The following CPT1A variants were observed in gnomAD, a reference collection of about 807,000 sequenced individuals.
The protein encoded by CPT1A is carnitine O-palmitoyltransferase 1, liver isoform.
In CPT1A, 64 loss-of-function variants were observed where a neutral mutation model predicts 100.8. That is an observed-to-expected ratio of 0.63 (90% CI 0.52 to 0.78). The LOEUF (loss-of-function observed/expected upper bound fraction) is 0.78. Ranked by LOEUF, CPT1A falls within the 30% of genes least tolerant of loss-of-function variation. The pLI is 0.00. For synonymous variants in CPT1A, 363 were observed against 396.0 expected (o/e 0.92, Z 0.99); for missense variants, 802 against 1,034.1 (o/e 0.78, Z 3.08).
intron 18 of CPT1A, among the ~76,000 whole-genome samples, chr11:68,757,933 C>A (rs941543532): frequency 6.6e-6 from 1 of 152,100 alleles, no homozygotes; most frequent in African/African-American, 2.4e-5. Flanking sequence ...TGTGTTTGTG[C>A]GGGTGTGTTG....
chr11:68,827,533 C>G (rs947679589), intron 1 of CPT1A, among the ~76,000 whole-genome samples: 5 of 151,774 alleles, frequency 3.3e-5, no homozygotes, highest in African/African-American at 1.2e-4. Flanking sequence ...CACCCCACCC[C>G]CACCAGTTTG....
At chr11:68,815,719 G>A (rs1297232116) in intron 1 of CPT1A, among the ~76,000 whole-genome samples, 1 of 152,096 alleles carries the variant, frequency 6.6e-6, no homozygotes, top group Non-Finnish European at 1.5e-5. Flanking sequence ...ATCATCAGGA[G>A]TCAGGCCCGT....
rs1854665260 is a variant in CPT1A at position 68,762,721 on chromosome 11, G to A, written c.1781C>T (p.Thr594Ile). 6.2e-7 allele frequency: 1 copy of A among 1,614,120 alleles called. No homozygotes were observed. ...CGTCCTCCCCTCTCGGAAGAGCCGG[G>A]TCATGGAGGCCTCGTATGTGAGGCA... The part of the protein sequence containing the change: ...KFCLTYEASM[T>I]RLFREGRTET... The change falls in exon 15 of 19, where the codon ACC (threonine) becomes ATC (isoleucine). Residue 594 changes from threonine (T) to isoleucine (I), a missense_variant. By Grantham distance (89) the Thr-to-Ile change is moderately conservative. Transcript: ENST00000265641.
chr11:68,825,819 A>C (rs2154002185), intron 1 of CPT1A, among the ~76,000 whole-genome samples: 1 of 152,260 alleles, frequency 6.6e-6, no homozygotes, highest in South Asian at 2.1e-4. Context: ...CCTTTCACCC[A>C]GCTGGGAGTG....
rs529857693 is a variant in CPT1A, at chr11:68,795,334, A to G, written c.772-423T>C. 3.3e-5 allele frequency among the ~76,000 whole-genome samples: 5 copies of G among 152,316 alleles called. No individual in the cohort carries two copies. The South Asian group carries it at 8.3e-4, about 25-fold the overall frequency. On this transcript the variant is annotated intron_variant, in intron 7 of 18. Transcript: ENST00000265641. ...GTTCCAAATGTCTGCATTTTCCACAATTGGAAGAAAAGGCCAAGGAACACA... is the reference window on the plus strand; with the variant it reads ...GTTCCAAATGTCTGCATTTTCCACAGTTGGAAGAAAAGGCCAAGGAACACA...
intron 9 of CPT1A, among the ~76,000 whole-genome samples, chr11:68,787,804 C>T (rs1425692768): frequency 1.3e-5 from 2 of 151,942 alleles, no homozygotes; most frequent in Non-Finnish European, 2.9e-5. Flanking sequence ...ATTAGCCAGG[C>T]GTGGTGGCGG....
At chr11:68,826,733 CAAA>C (rs5792453) in intron 1 of CPT1A, among the ~76,000 whole-genome samples, 2 of 142,432 alleles carry the variant, frequency 1.4e-5, no homozygotes. Flanking sequence ...GACTCCCTGT[CAAA>C]AAAAAAAAAA....
chr11:68,792,563 T>A (rs540933920), intron 9 of CPT1A, among the ~76,000 whole-genome samples: 2 of 152,268 alleles, frequency 1.3e-5, no homozygotes, highest in East Asian at 3.9e-4. Context: ...ACGGTGCCTG[T>A]TCTCCCTCCC....
At chr11:68,768,064 G>GTTTT (rs1566344951) in intron 14 of CPT1A, among the ~76,000 whole-genome samples, 2 of 65,884 alleles carry the variant, frequency 3.0e-5, no homozygotes, top group African/African-American at 1.5e-4. Flanking sequence ...CTAGTTTCCA[G>GTTTT]TCTTTTTTTT....
chr11:68,833,789 A>G (rs1036881180), intron 1 of CPT1A, among the ~76,000 whole-genome samples: 1 of 152,166 alleles, frequency 6.6e-6, no homozygotes, highest in Non-Finnish European at 1.5e-5. Context: ...GCACCTTAGA[A>G]GTGAGAATGT....
intron 3 of CPT1A, 102 bp downstream of exon 3, chr11:68,812,335 T>C (rs1566375228): frequency 6.7e-7 from 1 of 1,487,812 alleles, no homozygotes; most frequent in Non-Finnish European, 9.4e-7. Flanking sequence ...GAGCTTCATA[T>C]GGAATCCAGA....
At chr11:68,787,043 T>TA (rs1414534044) in intron 9 of CPT1A, among the ~76,000 whole-genome samples, 1 of 152,024 alleles carries the variant, frequency 6.6e-6, no homozygotes, top group Non-Finnish European at 1.5e-5. Context: ...AAGTAAAAGA[T>TA]AAAGGATTGA....
chr11:68,817,537 C>G (rs1045573774), intron 1 of CPT1A, among the ~76,000 whole-genome samples: 3 of 152,000 alleles, frequency 2.0e-5, no homozygotes, highest in South Asian at 2.1e-4. Context: ...GGGGAGAAGC[C>G]GAGGGGACCT....
chr11:68,773,134 C>A, intron 14 of CPT1A, 131 bp downstream of exon 14: 1 of 1,497,370 alleles, frequency 6.7e-7, no homozygotes, highest in South Asian at 1.2e-5. Context: ...CCCCGGAGAC[C>A]GGGGTCGGGG....
At position 68,757,278 on chromosome 11, in the gene CPT1A, G is replaced by A; in HGVS notation, c.*366C>T. 2 of 1,152,142 alleles carry A rather than the reference G, an allele frequency of 1.7e-6. No homozygotes were observed. Among genetic ancestry groups the A allele is most frequent in the Non-Finnish European group, 2.2e-6 (2 of 927,932 alleles). 71.4% of individuals were successfully genotyped at this position (1,152,142 alleles called of 1,614,324 possible). A position where few individuals can be genotyped will look rare whatever the true frequency, so the allele number is the denominator to read the frequency against. On this transcript the variant is annotated 3_prime_UTR_variant, in exon 19 of 19. Transcript: ENST00000265641. ...TGATGCTAAATGCCCTTAAGCACTA[G>A]GCCTTCGGTTGCCACTGAGAAAGCA...
At chr11:68,792,448 C>T (rs187226722) in intron 9 of CPT1A, among the ~76,000 whole-genome samples, 39 of 152,358 alleles carry the variant, frequency 2.6e-4, no homozygotes, top group African/African-American at 9.4e-4. Context: ...GTCTTGGGCT[C>T]TAGCTCACCA....
chr11:68,825,957 C>T (rs893782669), intron 1 of CPT1A, among the ~76,000 whole-genome samples: 1 of 152,172 alleles, frequency 6.6e-6, no homozygotes, highest in Non-Finnish European at 1.5e-5. Context: ...GCTCCTGGGC[C>T]AGCCTCACTC....
In CPT1A at chr11:68,755,130, T is replaced by C. The variant is rs185026543; in HGVS notation, c.*2514A>G. 4.5e-6 allele frequency: 2 copies of C among 443,646 alleles called. No homozygotes were observed. The highest frequency in any genetic ancestry group is 8.2e-6 in the Non-Finnish European group (2 of 243,834). 27.5% of individuals were successfully genotyped at this position (443,646 alleles called of 1,614,324 possible). A position where few individuals can be genotyped will look rare whatever the true frequency, so the allele number is the denominator to read the frequency against. ...CCCCTCAAGGAATATAAAATTGCAT[T>C]GATAACTGCACTGATGAGCAACAAT... is the stretch of plus-strand genomic sequence containing the variant. On this transcript the variant is annotated 3_prime_UTR_variant, in exon 19 of 19. Transcript: ENST00000265641.
chr11:68,780,862 C>T, intron 11 of CPT1A, 117 bp from the exon 12 acceptor site: 1 of 757,808 alleles, frequency 1.3e-6, no homozygotes, highest in Non-Finnish European at 2.4e-6. Context: ...GTCCCTCTAA[C>T]AGTGAGCAGA....
Sources: allele counts gnomAD v4.1 joint callset (sites outside exome capture counted in the v4.1 genomes callset), GRCh38; gene constraint gnomAD v4.1.1; transcripts MANE v1.5; gene names NCBI Gene and HGNC (gene_info 2026-07-23, HGNC 2026-07-21).